The following SIGIRR variants were observed in gnomAD, a reference collection of about 807,000 sequenced individuals.
SIGIRR encodes single Ig IL-1-related receptor.
A neutral mutation model predicts 45.6 loss-of-function variants in SIGIRR; 41 were observed. The observed-to-expected ratio is 0.90, with a 90% confidence interval of 0.70 to 1.17. The LOEUF (loss-of-function observed/expected upper bound fraction) is 1.17. SIGIRR is among the 50% of genes most tolerant of loss of function. The pLI is 0.00. For missense variants in SIGIRR, 599 were observed against 539.6 expected (o/e 1.11, Z -1.09); for synonymous variants, 298 against 239.0 (o/e 1.25, Z -2.28).
In SIGIRR at chr11:407,419, G is replaced by A; in HGVS notation, c.625+6C>T. ...TGGGCGGGGCACGGGGTGGGGCCCG[G>A]GATACCAGCGCGCGGCAGGAGGTCG... On this transcript the variant is annotated splice_donor_region_variant and intron_variant, in intron 6 of 9. Transcript: ENST00000431843. 6.5e-7 allele frequency: 1 copy of A among 1,542,670 alleles called. No individual in the cohort carries two copies. Among genetic ancestry groups the A allele is most frequent in the Non-Finnish European group, 8.7e-7 (1 of 1,143,968 alleles).
chr11:415,281 C>A (rs1341898398), upstream of SIGIRR, among the ~76,000 whole-genome samples: 1 of 144,856 alleles, frequency 6.9e-6, no homozygotes, highest in Non-Finnish European at 1.5e-5. The surrounding 1 kb of genome is among the most constrained non-coding windows in gnomAD (Gnocchi z 6.6). Flanking sequence ...AATGTGTGTG[C>A]AGTATGTGCG....
chr11:409,975 ACTC>A lies in SIGIRR; in HGVS notation c.-104_-102del. 11 of 1,251,128 alleles carry A rather than the reference ACTC, an allele frequency of 8.8e-6. No homozygotes were observed. The highest frequency in any genetic ancestry group is 1.1e-5 in the Non-Finnish European group (11 of 995,674). The allele number at this position is 1,251,128 out of a possible 1,614,324, so 77.5% of individuals were successfully genotyped here. A position where few individuals can be genotyped will look rare whatever the true frequency, so the allele number is the denominator to read the frequency against. On this transcript the variant is annotated 5_prime_UTR_variant, in exon 2 of 10. Coordinates refer to ENST00000431843, the MANE Select transcript of SIGIRR (RefSeq NM_001135054.2). ...CAGACTGATCCAAGAGCTGGGCAGGACTCCTCTCTGTCCTTGCAGTCAGCTGGA... is the reference window on the plus strand; with the variant it reads ...CAGACTGATCCAAGAGCTGGGCAGGACTCTCTGTCCTTGCAGTCAGCTGGA...
chr11:409,849 C>T lies in SIGIRR; in HGVS notation c.7+19G>A, dbSNP rs1178425584. 2.2e-6 allele frequency: 3 copies of T among 1,339,990 alleles called. No individual in the cohort carries two copies. Among genetic ancestry groups the T allele is most frequent in the South Asian group, 4.4e-5 (2 of 45,854 alleles). 83.0% of individuals were successfully genotyped at this position (1,339,990 alleles called of 1,614,324 possible). ...GTGGGAGTGGGGAATTCAAGCCCAT[C>T]CCTCTCTGACCTGCCTACCTGGCAT... is the stretch of plus-strand genomic sequence containing the variant. On this transcript the variant is annotated intron_variant, in intron 2 of 9. Coordinates refer to ENST00000431843, the MANE Select transcript of SIGIRR (RefSeq NM_001135054.2).
At position 409,992 on chromosome 11, in the gene SIGIRR, C is replaced by T. The variant is rs1847513076; in HGVS notation, c.-118G>A. 8.0e-7 allele frequency: 1 copy of T among 1,247,050 alleles called. No homozygotes were observed. The highest frequency in any genetic ancestry group is 1.0e-6 in the Non-Finnish European group (1 of 994,842). The allele number at this position is 1,247,050 out of a possible 1,614,324, so 77.2% of individuals were successfully genotyped here. ...TGGGCAGGACTCCTCTCTGTCCTTG[C>T]AGTCAGCTGGACAGGGCACCTGGAC... On this transcript the variant is annotated 5_prime_UTR_variant, in exon 2 of 10. Transcript: ENST00000431843.
intron 1 of SIGIRR, among the ~76,000 whole-genome samples, chr11:412,134 GTGC>G: frequency 3.1e-5 from 1 of 32,256 alleles, no homozygotes; most frequent in Admixed American, 2.9e-4. Context: ...TCGGGGGGAG[GTGC>G]CCAGCTCTGA....
rs191365437 is a variant in SIGIRR, at chr11:406,459, G to A, written c.959C>T (p.Pro320Leu). ...KVQYRPVEGD[P>L]QTQLQDDKDP... is the part of the protein sequence containing the mutation. ...CTTGTCGTCCTGCAGCTGCGTCTGG[G>A]GGTCTCCTTCCACAGGCCTGTACTG... Residue 320 changes from proline to leucine, a missense_variant, in exon 9 of 10, where the codon CCC becomes CTC. Transcript: ENST00000431843. 1.1e-4 allele frequency: 172 copies of A among 1,612,636 alleles called. No individual in the cohort carries two copies. The highest frequency in any genetic ancestry group is 1.7e-4 in the Middle Eastern group (1 of 6,060).
At chr11:409,080 T>C (rs1172088921) in intron 2 of SIGIRR, 187 bp from the exon 3 acceptor site, 7 of 629,344 alleles carry the variant, frequency 1.1e-5, no homozygotes, top group Non-Finnish European at 2.0e-5. Flanking sequence ...GGCCAGGCTT[T>C]GGGTGTTCCG....
chr11:416,029 C>T (rs1006242563), upstream of SIGIRR, among the ~76,000 whole-genome samples: 1 of 152,146 alleles, frequency 6.6e-6, no homozygotes, highest in Non-Finnish European at 1.5e-5. This position sits in a 1 kb window ranked among gnomAD's most constrained non-coding sequence, Gnocchi z 9.1. Context: ...TCCTTTGTCC[C>T]GGTACTCAGC....
In SIGIRR at chr11:407,001, G is replaced by A. The variant is rs1310353449; in HGVS notation, c.729-8C>T. On this transcript the variant is annotated splice_region_variant and splice_polypyrimidine_tract_variant and intron_variant, in intron 7 of 9. Coordinates refer to ENST00000431843, the MANE Select transcript of SIGIRR (RefSeq NM_001135054.2). The stretch of plus-strand genomic sequence containing the variant: ...AGCCGGCACAGGCCCTCCCTGCGGG[G>A]CGGGACCGTCAGGGGGGTGGGTGCT... 6.3e-7 allele frequency: 1 copy of A among 1,594,902 alleles called. No homozygotes were observed. The highest frequency in any genetic ancestry group is 1.7e-5 in the Admixed American group (1 of 58,980).
intron 3 of SIGIRR, 68 bp from the exon 4 acceptor site, chr11:408,274 C>G: frequency 6.4e-7 from 1 of 1,570,084 alleles, no homozygotes; most frequent in Non-Finnish European, 8.6e-7. Flanking sequence ...CCCCACCTGT[C>G]TGGGTTCACC....
In SIGIRR at chr11:406,769, C is replaced by A. The variant is rs936201922; in HGVS notation, c.879+74G>T. On this transcript the variant is annotated intron_variant, in intron 8 of 9. Coordinates refer to ENST00000431843, the MANE Select transcript of SIGIRR (RefSeq NM_001135054.2). Reference sequence around the variant, plus strand: ...GCCGCAGAGCTCCCCACGGAGGGGTCCCAGCCTGGAGCCCGGGCACCGCCC... The same window carrying A: ...GCCGCAGAGCTCCCCACGGAGGGGTACCAGCCTGGAGCCCGGGCACCGCCC... 2.1e-5 allele frequency: 30 copies of A among 1,448,330 alleles called. No individual in the cohort carries two copies. In the African/African-American group the frequency reaches 3.3e-4, roughly 16 times the overall value. 89.7% of individuals were successfully genotyped at this position (1,448,330 alleles called of 1,614,324 possible).
Position 408,198 on chromosome 11 carries a change from G to A in SIGIRR, c.215C>T (p.Ala72Val), listed in dbSNP as rs1409512790. 3.1e-6 allele frequency: 5 copies of A among 1,612,394 alleles called. No individual in the cohort carries two copies. Among genetic ancestry groups the A allele is most frequent in the African/African-American group, 1.3e-5 (1 of 74,920 alleles). Residue 72 changes from alanine to valine, a missense_variant, in exon 4 of 10, where the codon GCC (alanine) becomes GTC (valine). Transcript: ENST00000431843. The stretch of plus-strand genomic sequence containing the variant: ...GGACACAAGCACCTCTGACAGGTTG[G>A]CCTTGACCCTGGGGATACCAAGCCA... ...YSLHEYSWVK[A>V]NLSEVLVSSV...
rs754899937 is a variant in SIGIRR, at chr11:405,949, T to G, written c.1180A>C (p.Asn394His). The change falls in exon 10 of 10, where the codon AAC (asparagine) becomes CAC (histidine). Residue 394 changes from asparagine to histidine, a missense_variant. Physicochemically the swap from Asn to His is moderately conservative, Grantham distance 68. Transcript: ENST00000431843. ...TAGAAGTCTGTGCGGGCACTGTAGT[T>G]TCGCGAGCCGAGATCCGAGACGTCC... Reference protein sequence around the residue: ...EVDVSDLGSRNYSARTDFYCL... With the variant: ...EVDVSDLGSRHYSARTDFYCL... The G allele has an allele frequency of 1.2e-5, 19 of 1,610,460 alleles. No homozygotes were observed. The highest frequency in any genetic ancestry group is 1.4e-5 in the Non-Finnish European group (16 of 1,179,052).
chr11:409,936 G>A lies in SIGIRR; in HGVS notation c.-62C>T. 1 of 1,265,550 alleles carries A rather than the reference G, an allele frequency of 7.9e-7. No individual in the cohort carries two copies. Among genetic ancestry groups the A allele is most frequent in the Non-Finnish European group, 1.0e-6 (1 of 999,866 alleles). The allele number at this position is 1,265,550 out of a possible 1,614,324, so 78.4% of individuals were successfully genotyped here. A position where few individuals can be genotyped will look rare whatever the true frequency, so the allele number is the denominator to read the frequency against. On this transcript the variant is annotated 5_prime_UTR_variant, in exon 2 of 10. Transcript: ENST00000431843. ...TCCAGGGTCACCCCTGGCTCCACCG[G>A]GCTCCTCGGCCAGCAGACTGATCCA...
At chr11:406,150 G>A in intron 9 of SIGIRR, 91 bp from the exon 10 acceptor site, 5 of 1,538,068 alleles carry the variant, frequency 3.3e-6, no homozygotes, top group South Asian at 1.2e-5. Context: ...ACCCCCTGCT[G>A]TGATGGCCTG....
upstream of SIGIRR, chr11:417,388 C>G (rs935559642): frequency 4.6e-5 from 7 of 152,126 alleles, no homozygotes; most frequent in African/African-American, 1.2e-4. This position sits in a 1 kb window ranked among gnomAD's most constrained non-coding sequence, Gnocchi z 4.2. Flanking sequence ...GCCAGGTGCG[C>G]AGCGGCAACA....
chr11:411,193 G>A (rs60973963), intron 1 of SIGIRR, among the ~76,000 whole-genome samples: 354 of 19,278 alleles, frequency 0.018, 1 homozygote, highest in African/African-American at 0.079. Context: ...ACAGTCGGGG[G>A]GGGGGGTGCC....
At chr11:406,741 GGT>G in intron 8 of SIGIRR, 100 bp downstream of exon 8, 2 of 1,427,830 alleles carry the variant, frequency 1.4e-6, no homozygotes, top group Non-Finnish European at 1.8e-6. Flanking sequence ...CACAAAGCGT[GGT>G]GCCGCAGAGC....
chr11:407,323 C>CG, intron 6 of SIGIRR, 102 bp downstream of exon 6: 1 of 820,862 alleles, frequency 1.2e-6, no homozygotes. Context: ...GGGATGGGGG[C>CG]GGAGCTCGAT....
Sources: allele counts gnomAD v4.1 joint callset (sites outside exome capture counted in the v4.1 genomes callset), GRCh38; gene constraint gnomAD v4.1.1; non-coding constraint Gnocchi (gnomAD v3.1); transcripts MANE v1.5; gene names NCBI Gene and HGNC (gene_info 2026-07-23, HGNC 2026-07-21).